The following NOX4 variants were observed in gnomAD, a reference collection of about 807,000 sequenced individuals.
NOX4 encodes kidney oxidase-1.
In NOX4, 69 loss-of-function variants were observed where a neutral mutation model predicts 87.6. The ratio of observed to expected loss-of-function variants is 0.79; its 90% CI spans 0.65 to 0.96. The LOEUF (loss-of-function observed/expected upper bound fraction) is 0.96, where lower values mean the gene tolerates loss of function less well. NOX4 is among the 40% of genes least tolerant of loss of function. NOX4 has a pLI of 0.00. For synonymous variants in NOX4, 275 were observed against 238.2 expected (o/e 1.15, Z -1.42); for missense variants, 680 against 681.5 (o/e 1.00, Z 0.02).
At chr11:89,584,156 G>A in the NOX4 span, among the ~76,000 whole-genome samples, 3 of 151,932 alleles carry the variant, frequency 2.0e-5, no homozygotes, top group African/African-American at 7.3e-5. Context: ...ATTCCCTCAG[G>A]CAGAACTTTA....
chr11:89,445,122 C>T (rs1318359277), intron 4 of NOX4, among the ~76,000 whole-genome samples: 1 of 152,062 alleles, frequency 6.6e-6, no homozygotes, highest in Non-Finnish European at 1.5e-5. Flanking sequence ...ATATTATTTG[C>T]CTTTCAGGGG....
chr11:89,543,880 A>G, the NOX4 span, among the ~76,000 whole-genome samples: 6 of 152,118 alleles, frequency 3.9e-5, no homozygotes, highest in African/African-American at 1.4e-4. Context: ...ACATTTTATT[A>G]ATAGTCGAGG....
chr11:89,540,531 T>G, the NOX4 span, among the ~76,000 whole-genome samples: 2 of 151,944 alleles, frequency 1.3e-5, no homozygotes, highest in East Asian at 1.9e-4. Flanking sequence ...CTCACGCCTG[T>G]AATCCCAGTA....
chr11:89,438,858 T>C (rs1286035754), intron 6 of NOX4, among the ~76,000 whole-genome samples: 2 of 43,826 alleles, frequency 4.6e-5, no homozygotes, highest in Non-Finnish European at 6.4e-5. Context: ...ATATAATATA[T>C]TATATATTAT....
At chr11:89,422,791 T>C (rs1229245403) in intron 7 of NOX4, among the ~76,000 whole-genome samples, 2 of 146,566 alleles carry the variant, frequency 1.4e-5, no homozygotes, top group Non-Finnish European at 3.0e-5. Context: ...TATACAAAGT[T>C]CTGATTTTTT....
intron 6 of NOX4, among the ~76,000 whole-genome samples, chr11:89,434,971 C>A (rs1944002944): frequency 6.6e-6 from 1 of 151,804 alleles, no homozygotes; most frequent in African/African-American, 2.4e-5. Flanking sequence ...GGGTAGAGGG[C>A]AAGATGCGTT....
intron 2 of NOX4, among the ~76,000 whole-genome samples, chr11:89,477,909 A>AT (rs1217145210): frequency 6.6e-6 from 1 of 152,136 alleles, no homozygotes; most frequent in Non-Finnish European, 1.5e-5. Flanking sequence ...TTGGCAAAAT[A>AT]TTTTTTCATA....
At chr11:89,513,471 C>G in the NOX4 span, among the ~76,000 whole-genome samples, 2 of 151,820 alleles carry the variant, frequency 1.3e-5, no homozygotes, top group Non-Finnish European at 2.9e-5. Flanking sequence ...AGAGAATGTG[C>G]AATGATATGC....
At chr11:89,419,920 A>G (rs978796225) in intron 8 of NOX4, among the ~76,000 whole-genome samples, 3 of 152,016 alleles carry the variant, frequency 2.0e-5, no homozygotes, top group Non-Finnish European at 4.4e-5. Context: ...AATAATATAT[A>G]ATTATACTAA....
chr11:89,461,373 G>A (rs991911701), intron 2 of NOX4, among the ~76,000 whole-genome samples: 4 of 151,668 alleles, frequency 2.6e-5, no homozygotes, highest in Non-Finnish European at 4.4e-5. Context: ...GGCCAGGTGC[G>A]GTGGGTTACG....
intron 13 of NOX4, among the ~76,000 whole-genome samples, chr11:89,349,256 C>T (rs1946349008): frequency 6.6e-6 from 1 of 151,704 alleles, no homozygotes; most frequent in African/African-American, 2.4e-5. Flanking sequence ...CACTGCACGC[C>T]AGCCTAGGCA....
chr11:89,415,603 A>C (rs1942723941), intron 8 of NOX4, among the ~76,000 whole-genome samples: 1 of 152,128 alleles, frequency 6.6e-6, no homozygotes, highest in African/African-American at 2.4e-5. Flanking sequence ...TTATACATAA[A>C]TATGCAGATA....
intron 17 of NOX4, among the ~76,000 whole-genome samples, chr11:89,331,512 T>C (rs1489797676): frequency 6.6e-6 from 1 of 151,764 alleles, no homozygotes; most frequent in Non-Finnish European, 1.5e-5. Context: ...AAATTTAAAT[T>C]ACTATTGAAA....
chr11:89,435,573 C>A (rs564039551), intron 6 of NOX4, among the ~76,000 whole-genome samples: 2 of 152,004 alleles, frequency 1.3e-5, no homozygotes, highest in South Asian at 2.1e-4. Flanking sequence ...ATTCAAGAAA[C>A]CTGATTAAAC....
At chr11:89,461,639 C>T (rs974968120) in intron 2 of NOX4, among the ~76,000 whole-genome samples, 4 of 38,218 alleles carry the variant, frequency 1.0e-4, no homozygotes, top group Admixed American at 3.1e-4. Flanking sequence ...AGCAAGACTC[C>T]ATCTCAAAAA....
chr11:89,360,533 A>G (rs1938438792), intron 12 of NOX4, among the ~76,000 whole-genome samples: 1 of 152,084 alleles, frequency 6.6e-6, no homozygotes, highest in Non-Finnish European at 1.5e-5. Context: ...AATAAAAGAA[A>G]CAACACTCAA....
At position 89,402,513 on chromosome 11, in the gene NOX4, T is replaced by C. The variant is rs1413928279; in HGVS notation, c.659A>G (p.Asp220Gly). ...ACTGATGCAGCCGGGAGGGTGGGTA[T>C]CTAAATTAGTTTGATACTTCAGCAG... ...GGLLKYQTNL[D>G]THPPGCISLN... is the part of the protein sequence containing the mutation. The change falls in exon 9 of 18, where the codon GAT becomes GGT. Residue 220 changes from aspartate to glycine, a missense_variant. By Grantham distance (94) the Asp-to-Gly change is moderately conservative. Transcript: ENST00000263317. 1 of 1,610,924 alleles carries C rather than the reference T, an allele frequency of 6.2e-7. No individual in the cohort carries two copies. The highest frequency in any genetic ancestry group is 8.5e-7 in the Non-Finnish European group (1 of 1,179,008).
chr11:89,440,907 A>T (rs990577331), intron 5 of NOX4, among the ~76,000 whole-genome samples, 192 bp from the exon 6 acceptor site: 1 of 152,132 alleles, frequency 6.6e-6, no homozygotes, highest in Non-Finnish European at 1.5e-5. Flanking sequence ...ACAAGTAAAA[A>T]CCCAATTCAG....
chr11:89,399,011 T>C (rs1002432106), intron 11 of NOX4, among the ~76,000 whole-genome samples: 1 of 151,974 alleles, frequency 6.6e-6, no homozygotes, highest in Non-Finnish European at 1.5e-5. Context: ...AAGACATATG[T>C]CAAACAGTAG....
Sources: allele counts gnomAD v4.1 joint callset (sites outside exome capture counted in the v4.1 genomes callset), GRCh38; gene constraint gnomAD v4.1.1; transcripts MANE v1.5; gene names NCBI Gene and HGNC (gene_info 2026-07-23, HGNC 2026-07-21).